The following TEAD1 variants were observed in gnomAD, a reference collection of about 807,000 sequenced individuals.
The protein encoded by TEAD1 is transcriptional enhancer factor TEF-1.
TEAD1 carries 9 observed loss-of-function variants against 54.9 expected under a neutral mutation model. That is an observed-to-expected ratio of 0.16 (90% CI 0.10 to 0.29). The LOEUF is 0.29. Among genes scored for constraint, TEAD1 ranks in the 10% least tolerant of loss-of-function variants. TEAD1 has a pLI of 1.00. For missense variants in TEAD1, 387 were observed against 535.9 expected, an observed-to-expected ratio of 0.72 and a Z score of 2.74; for synonymous variants, 200 against 187.8, an observed-to-expected ratio of 1.07 and a Z score of -0.53.
rs1406653676 is a variant in TEAD1, at chr11:12,781,536, A to T, written c.202+17102A>T. 2.0e-5 allele frequency among the ~76,000 whole-genome samples: 3 copies of T among 152,124 alleles called. No homozygotes were observed. The East Asian group carries it at 5.8e-4, about 29-fold the overall frequency. ...CTGACTGGACCTTTCCTTAAAAAAG[A>T]CATACGTTGAAAAACACACCAAAGA... On this transcript the variant is annotated intron_variant, in intron 3 of 12. Transcript: ENST00000527636.
chr11:12,888,813 A>C (rs1360039421), intron 9 of TEAD1, among the ~76,000 whole-genome samples: 1 of 152,250 alleles, frequency 6.6e-6, no homozygotes, highest in African/African-American at 2.4e-5. Flanking sequence ...AGTAGGATTC[A>C]GATCCAGGTC....
intron 2 of TEAD1, among the ~76,000 whole-genome samples, chr11:12,714,936 C>G (rs763720917): frequency 2.6e-5 from 4 of 152,168 alleles, no homozygotes; most frequent in Non-Finnish European, 5.9e-5. Flanking sequence ...CAAATGCTGT[C>G]ACATCCTGAG....
rs532345996 is a variant in TEAD1, at chr11:12,884,153, G to A, written c.699+1028G>A. 1.3e-3 allele frequency among the ~76,000 whole-genome samples: 204 copies of A among 151,498 alleles called. 1 individual carries two copies. The highest frequency in any genetic ancestry group is 4.5e-3 in the African/African-American group (186 of 41,230). On this transcript the variant is annotated intron_variant, in intron 9 of 12. Transcript: ENST00000527636. Reference sequence around the variant, plus strand: ...CCCCCACCCCCATCTTGTACCCATCGTCCCATTGTTTCTCAGCCAGGCATT... The same window carrying A: ...CCCCCACCCCCATCTTGTACCCATCATCCCATTGTTTCTCAGCCAGGCATT...
chr11:12,797,395 T>C (rs1369457014), intron 3 of TEAD1, among the ~76,000 whole-genome samples: 2 of 152,176 alleles, frequency 1.3e-5, no homozygotes, highest in African/African-American at 4.8e-5. Flanking sequence ...ACTAGGGCTT[T>C]CACAGACGGT....
intron 3 of TEAD1, among the ~76,000 whole-genome samples, chr11:12,783,133 T>TGTGCGTGC (rs1198828193): frequency 6.9e-6 from 1 of 145,496 alleles, no homozygotes; most frequent in African/African-American, 2.7e-5. Flanking sequence ...TGTGTGTGTG[T>TGTGCGTGC]GCGCGCACTT....
rs1319072271 is a variant in TEAD1 at position 12,938,130 on chromosome 11, A to T, written c.*908A>T. On this transcript the variant is annotated 3_prime_UTR_variant, in exon 13 of 13. Transcript: ENST00000527636. Reference sequence around the variant, plus strand: ...AGTCTTGTGTGTGCAGTTATATTTTATATGGACGACCAAATTTTTTATTAA... The same window carrying T: ...AGTCTTGTGTGTGCAGTTATATTTTTTATGGACGACCAAATTTTTTATTAA... 5.2e-5 allele frequency: 8 copies of T among 152,664 alleles called. No individual in the cohort carries two copies. The highest frequency in any genetic ancestry group is 1.9e-4 in the African/African-American group (8 of 41,460). The allele number at this position is 152,664 out of a possible 1,614,324, so 9.5% of individuals were successfully genotyped here.
chr11:12,728,204 G>A (rs1453867824), intron 2 of TEAD1, among the ~76,000 whole-genome samples: 1 of 152,172 alleles, frequency 6.6e-6, no homozygotes, highest in Non-Finnish European at 1.5e-5. Context: ...GACAGCAAAG[G>A]AGGGAGCTAA....
chr11:12,874,538 C>T (rs1368258194), intron 5 of TEAD1, among the ~76,000 whole-genome samples: 1 of 152,196 alleles, frequency 6.6e-6, no homozygotes, highest in Non-Finnish European at 1.5e-5. Context: ...CCTGTTTTTA[C>T]TTAGAACAAT....
intron 2 of TEAD1, among the ~76,000 whole-genome samples, chr11:12,742,106 G>A (rs954559755): frequency 6.6e-6 from 1 of 152,122 alleles, no homozygotes; most frequent in Non-Finnish European, 1.5e-5. Context: ...CCCCTTTACA[G>A]CATGACTGTT....
At chr11:12,910,480 C>G (rs1437775287) in intron 10 of TEAD1, among the ~76,000 whole-genome samples, 1 of 152,072 alleles carries the variant, frequency 6.6e-6, no homozygotes, top group African/African-American at 2.4e-5. Flanking sequence ...AAGGCTTAGT[C>G]TTAAACTTTG....
At chr11:12,824,665 C>T (rs1481735326) in intron 3 of TEAD1, among the ~76,000 whole-genome samples, 1 of 152,218 alleles carries the variant, frequency 6.6e-6, no homozygotes, top group South Asian at 2.1e-4. Context: ...TACCAGTTTA[C>T]TCCTAGCTGG....
chr11:12,788,967 C>T (rs112849490), intron 3 of TEAD1, among the ~76,000 whole-genome samples: 1 of 152,312 alleles, frequency 6.6e-6, no homozygotes, highest in South Asian at 2.1e-4. Context: ...CCACGCTGGT[C>T]TCAAGCCCCT....
intron 2 of TEAD1, among the ~76,000 whole-genome samples, chr11:12,741,289 T>C (rs1944645295): frequency 6.6e-6 from 1 of 152,192 alleles, no homozygotes; most frequent in African/African-American, 2.4e-5. Flanking sequence ...TAGTTGGTTT[T>C]ATAATCTACA....
chr11:12,807,130 AG>A (rs1946190367), intron 3 of TEAD1, among the ~76,000 whole-genome samples: 1 of 152,194 alleles, frequency 6.6e-6, no homozygotes, highest in Non-Finnish European at 1.5e-5. Context: ...CAAATGTGAA[AG>A]CTCTCCCTTT....
intron 2 of TEAD1, among the ~76,000 whole-genome samples, chr11:12,749,356 C>T (rs575054625): frequency 6.6e-6 from 1 of 152,164 alleles, no homozygotes; most frequent in Non-Finnish European, 1.5e-5. Context: ...CCAGGGTTAA[C>T]AGAATCTGTA....
At chr11:12,824,172 TTA>T (rs1946604945) in intron 3 of TEAD1, among the ~76,000 whole-genome samples, 1 of 152,232 alleles carries the variant, frequency 6.6e-6, no homozygotes, top group Non-Finnish European at 1.5e-5. Context: ...AATGTCTACT[TTA>T]TTTACTCCTC....
chr11:12,891,526 G>T (rs1411822488), intron 9 of TEAD1, among the ~76,000 whole-genome samples: 1 of 152,242 alleles, frequency 6.6e-6, no homozygotes, highest in Non-Finnish European at 1.5e-5. Context: ...ATGACTGGGT[G>T]TTGGAGACCA....
intron 3 of TEAD1, among the ~76,000 whole-genome samples, chr11:12,807,147 A>G (rs1481550106): frequency 6.6e-6 from 1 of 152,144 alleles, no homozygotes; most frequent in East Asian, 1.9e-4. Context: ...CCTTTTTGCA[A>G]AGGCACTTTG....
chr11:12,929,306 T>G (rs1948969953), intron 11 of TEAD1, among the ~76,000 whole-genome samples: 1 of 151,960 alleles, frequency 6.6e-6, no homozygotes, highest in East Asian at 1.9e-4. Flanking sequence ...GTATGAAGAG[T>G]TTATTTTGTC....
Sources: gnomAD v4.1 joint callset for allele counts (sites outside exome capture counted in the v4.1 genomes callset) on GRCh38, gnomAD v4.1.1 for gene constraint, MANE v1.5 for transcripts, NCBI Gene and HGNC (gene_info 2026-07-23, HGNC 2026-07-21) for gene names.